Variants in NIBAN2 observed in about 807,000 individuals in gnomAD.
NIBAN2 encodes protein Niban 2.
Under a neutral mutation model 81.8 loss-of-function variants are expected in NIBAN2, and 36 were observed. The observed-to-expected ratio is 0.44, with a 90% CI of 0.34 to 0.58. The LOEUF is 0.58. Among genes scored for constraint, NIBAN2 ranks in the 20% least tolerant of loss-of-function variants. The pLI, the probability that NIBAN2 is intolerant of heterozygous loss-of-function variation, is 0.02. For missense variants in NIBAN2, 897 were observed against 1,014.1 expected, an observed-to-expected ratio of 0.88 and a Z score of 1.57; for synonymous variants, 445 against 441.6, an observed-to-expected ratio of 1.01 and a Z score of -0.10.
In NIBAN2 at chr9:127,568,828, T is replaced by A. The variant is rs990992552; in HGVS notation, c.47A>T (p.His16Leu). ...STHLDDARRQ[H>L]IAEKTGKILT... is the part of the protein sequence containing the mutation. The stretch of plus-strand genomic sequence containing the variant: ...CGCGGCGCGACCCTCACCTGCGATG[T>A]GCTGGCGCCGGGCGTCGTCCAGGTG... Residue 16 changes from histidine to leucine, a missense_variant, in exon 1 of 14, where the codon CAC (histidine) becomes CTC (leucine). Physicochemically the swap from His to Leu is moderately conservative, Grantham distance 99. This residue lies in a region of NIBAN2 where 209 missense variants were observed against 208.4 expected (regional missense o/e 1.00). Transcript: ENST00000373312. 4 of 1,368,428 alleles carry A rather than the reference T, an allele frequency of 2.9e-6. No individual in the cohort carries two copies. Among genetic ancestry groups the A allele is most frequent in the Middle Eastern group, 2.5e-4 (1 of 3,960 alleles). 84.8% of individuals were successfully genotyped at this position (1,368,428 alleles called of 1,614,324 possible).
chr9:127,528,152 G>A (rs1462727516), intron 2 of NIBAN2, among the ~76,000 whole-genome samples: 1 of 152,206 alleles, frequency 6.6e-6, no homozygotes, highest in Non-Finnish European at 1.5e-5. Context: ...GTAGGACTCA[G>A]CGTCTGTGAC....
chr9:127,534,013 C>T lies in NIBAN2; in HGVS notation c.56-2235G>A, dbSNP rs545171595. 9.6e-4 allele frequency among the ~76,000 whole-genome samples: 147 copies of T among 152,336 alleles called. 1 individual carries two copies. Among genetic ancestry groups the T allele is most frequent in the African/African-American group, 3.5e-3 (144 of 41,582 alleles). On this transcript the variant is annotated intron_variant, in intron 1 of 13. Coordinates refer to ENST00000373312, the MANE Select transcript of NIBAN2 (RefSeq NM_022833.4). ...CAGCACGTGTGCTCCTGGGTGCCCC[C>T]ATGTTCAGATGAAGGAGGAGGCCCA...
At chr9:127,514,378 TTGCA>T (rs1836787969) in intron 8 of NIBAN2, among the ~76,000 whole-genome samples, 1 of 152,014 alleles carries the variant, frequency 6.6e-6, no homozygotes, top group Admixed American at 6.6e-5. Context: ...CTATTACACA[TTGCA>T]TGCCTGATCA....
Position 127,508,216 on chromosome 9 carries a change from G to C in NIBAN2, c.1435-16C>G. On this transcript the variant is annotated splice_polypyrimidine_tract_variant and intron_variant, in intron 11 of 13. Coordinates refer to ENST00000373312, the MANE Select transcript of NIBAN2 (RefSeq NM_022833.4). The surrounding 1 kb of genome is among the most constrained non-coding windows in gnomAD (Gnocchi z 6.4). Reference sequence around the variant, plus strand: ...AGTCGTATTTCTGCAGGGAACAAGGGGGTCGGGGGTCTGCAGGTCAGTGGG... The same window carrying C: ...AGTCGTATTTCTGCAGGGAACAAGGCGGTCGGGGGTCTGCAGGTCAGTGGG... 1 of 1,601,052 alleles carries C rather than the reference G, an allele frequency of 6.2e-7. No individual in the cohort carries two copies. Among genetic ancestry groups the C allele is most frequent in the Non-Finnish European group, 8.6e-7 (1 of 1,169,382 alleles).
intron 1 of NIBAN2, among the ~76,000 whole-genome samples, chr9:127,541,701 G>A (rs1299557008): frequency 2.0e-5 from 3 of 152,168 alleles, no homozygotes; most frequent in Non-Finnish European, 4.4e-5. Flanking sequence ...TGGCAGGCCA[G>A]GAAGGAGGAG....
Position 127,565,474 on chromosome 9 carries a change from G to A in NIBAN2, c.55+3346C>T, listed in dbSNP as rs573053554. On this transcript the variant is annotated intron_variant, in intron 1 of 13. Transcript: ENST00000373312. ...TACACTTTAGGTGGCTGAATTGTATGGTAGGTGAATTACGCCTCAATAAAG... is the reference window on the plus strand; with the variant it reads ...TACACTTTAGGTGGCTGAATTGTATAGTAGGTGAATTACGCCTCAATAAAG... Among the ~76,000 whole-genome samples the A allele has an allele frequency of 2.2e-4, 34 of 152,220 alleles. No homozygotes were observed. In the South Asian group the frequency reaches 6.8e-3, roughly 31 times the overall value.
In NIBAN2 at chr9:127,525,107, G is replaced by A; in HGVS notation, c.372C>T (p.Ile124=). The A allele has an allele frequency of 3.1e-6, 5 of 1,614,216 alleles. No individual in the cohort carries two copies. Among genetic ancestry groups the A allele is most frequent in the Non-Finnish European group, 4.2e-6 (5 of 1,180,032 alleles). The change falls in exon 4 of 14, where the codon ATC becomes ATT. Residue 124 remains isoleucine (I), a synonymous_variant. Transcript: ENST00000373312. ...CCAGGTATTGGTCCACGGACGTGAG[G>A]ATTTTGTAGCCTGCACTGTTGATGA... ...RAVINSAGYK[I]LTSVDQYLEL... is the part of the protein sequence containing the mutation.
chr9:127,539,149 A>G (rs988728164), intron 1 of NIBAN2, among the ~76,000 whole-genome samples: 1 of 152,034 alleles, frequency 6.6e-6, no homozygotes, highest in Non-Finnish European at 1.5e-5. Context: ...TCAAAAAAAA[A>G]GAAAGGAAGA....
chr9:127,538,719 C>A (rs1253777202), intron 1 of NIBAN2, among the ~76,000 whole-genome samples: 3 of 149,874 alleles, frequency 2.0e-5, no homozygotes, highest in Admixed American at 6.7e-5. Flanking sequence ...CCGAGGCAGG[C>A]AGATCACTTG....
chr9:127,548,719 T>C (rs1837518580), intron 1 of NIBAN2, among the ~76,000 whole-genome samples: 1 of 152,222 alleles, frequency 6.6e-6, no homozygotes, highest in African/African-American at 2.4e-5. Flanking sequence ...ATGTGATGAA[T>C]GAAGCTGTGA....
At chr9:127,529,126 T>C (rs2132184993) in intron 2 of NIBAN2, among the ~76,000 whole-genome samples, 1 of 152,238 alleles carries the variant, frequency 6.6e-6, no homozygotes, top group Middle Eastern at 3.4e-3. Context: ...GGCAAAATAT[T>C]TTAGACTCTG....
In NIBAN2 at chr9:127,507,185, G is replaced by A. The variant is rs565794127; in HGVS notation, c.1901C>T (p.Pro634Leu). Residue 634 changes from proline to leucine, a missense_variant, in exon 14 of 14, where the codon CCC (proline) becomes CTC (leucine). Transcript: ENST00000373312. This position sits in a 1 kb window ranked among gnomAD's most constrained non-coding sequence, Gnocchi z 6.8. Reference sequence around the variant, plus strand: ...TGGTGACTCAGGGCTAGCCTCAAAGGGCAGCCCCACCTCCTCATCCTGGAC... The same window carrying A: ...TGGTGACTCAGGGCTAGCCTCAAAGAGCAGCCCCACCTCCTCATCCTGGAC... ...SVVQDEEVGL[P>L]FEASPESPPP... The A allele has an allele frequency of 6.2e-7, 1 of 1,612,864 alleles. No homozygotes were observed. The highest frequency in any genetic ancestry group is 8.5e-7 in the Non-Finnish European group (1 of 1,179,770).
chr9:127,516,062 G>A lies in NIBAN2; in HGVS notation c.973+795C>T, dbSNP rs538611516. 5.9e-5 allele frequency among the ~76,000 whole-genome samples: 9 copies of A among 152,266 alleles called. No homozygotes were observed. The South Asian group carries it at 1.9e-3, about 32-fold the overall frequency. On this transcript the variant is annotated intron_variant, in intron 8 of 13. Coordinates refer to ENST00000373312, the MANE Select transcript of NIBAN2 (RefSeq NM_022833.4). ...TTGAAGTGGGAGGATGGTAGAGACTGCAGTGAGCCAAGGTCGTGCCATTGC... is the reference window on the plus strand; with the variant it reads ...TTGAAGTGGGAGGATGGTAGAGACTACAGTGAGCCAAGGTCGTGCCATTGC...
chr9:127,525,101 C>A lies in NIBAN2; in HGVS notation c.378G>T (p.Thr126=). 6.2e-7 allele frequency: 1 copy of A among 1,614,186 alleles called. No homozygotes were observed. Among genetic ancestry groups the A allele is most frequent in the Non-Finnish European group, 8.5e-7 (1 of 1,180,012 alleles). The change falls in exon 4 of 14, where the codon ACG becomes ACT. Residue 126 remains threonine (T), a synonymous_variant. Coordinates refer to ENST00000373312, the MANE Select transcript of NIBAN2 (RefSeq NM_022833.4). ...TGAGCTCCAGGTATTGGTCCACGGACGTGAGGATTTTGTAGCCTGCACTGT... is the reference window on the plus strand; with the variant it reads ...TGAGCTCCAGGTATTGGTCCACGGAAGTGAGGATTTTGTAGCCTGCACTGT... ...VINSAGYKIL[T]SVDQYLELIG...
chr9:127,522,932 T>G (rs1290738612), intron 5 of NIBAN2, among the ~76,000 whole-genome samples: 2 of 151,706 alleles, frequency 1.3e-5, no homozygotes, highest in East Asian at 3.9e-4. Flanking sequence ...GGCATCCTCA[T>G]CTGTCTATCA....
chr9:127,545,719 G>A lies in NIBAN2; in HGVS notation c.56-13941C>T, dbSNP rs769874972. Among the ~76,000 whole-genome samples, 27 of 152,296 alleles carry A rather than the reference G, an allele frequency of 1.8e-4. No homozygotes were observed. Among genetic ancestry groups the A allele is most frequent in the Middle Eastern group, 3.4e-3 (1 of 294 alleles). The stretch of plus-strand genomic sequence containing the variant: ...TGGGAGGAGAGGGCGGGGCTGAGGC[G>A]GGAGCCCAGAGAAATGCACCCAAAA... On this transcript the variant is annotated intron_variant, in intron 1 of 13. Coordinates refer to ENST00000373312, the MANE Select transcript of NIBAN2 (RefSeq NM_022833.4). This position sits in a 1 kb window ranked among gnomAD's most constrained non-coding sequence, Gnocchi z 4.7.
intron 5 of NIBAN2, among the ~76,000 whole-genome samples, chr9:127,523,016 G>A (rs868839875): frequency 2.0e-5 from 3 of 150,974 alleles, no homozygotes; most frequent in African/African-American, 7.3e-5. Context: ...CACACCCAGT[G>A]CCTAAATCTG....
At chr9:127,534,973 T>C (rs1319891033) in intron 1 of NIBAN2, among the ~76,000 whole-genome samples, 2 of 152,216 alleles carry the variant, frequency 1.3e-5, no homozygotes, top group Non-Finnish European at 2.9e-5. Flanking sequence ...TTTACGTATG[T>C]GAACCCAGAG....
rs563539892 is a variant in NIBAN2, at chr9:127,523,740, T to C, written c.528A>G (p.Thr176=). 1.9e-6 allele frequency: 3 copies of C among 1,614,056 alleles called. No individual in the cohort carries two copies. The highest frequency in any genetic ancestry group is 2.2e-5 in the South Asian group (2 of 91,090). ...YARHYYFCMM[T]EAEQDKWQAV... is the part of the protein sequence containing the mutation. Reference sequence around the variant, plus strand: ...CCTGCCACTTGTCCTGCTCGGCTTCTGTCATCATGCAGAAGTAGTAGTGAC... The same window carrying C: ...CCTGCCACTTGTCCTGCTCGGCTTCCGTCATCATGCAGAAGTAGTAGTGAC... The change falls in exon 5 of 14, where the codon ACA becomes ACG. Residue 176 remains threonine (T), a synonymous_variant. Coordinates refer to ENST00000373312, the MANE Select transcript of NIBAN2 (RefSeq NM_022833.4).
Sources: gnomAD v4.1 joint callset for allele counts (sites outside exome capture counted in the v4.1 genomes callset) on GRCh38, gnomAD v4.1.1 for gene constraint, gnomAD v4.1.1 regional missense constraint, Gnocchi (gnomAD v3.1) non-coding constraint, MANE v1.5 for transcripts, NCBI Gene and HGNC (gene_info 2026-07-23, HGNC 2026-07-21) for gene names.